Variants in TXNL4A observed in about 807,000 individuals in gnomAD.
TXNL4A encodes the protein thioredoxin like 4A.
TXNL4A carries 17 observed loss-of-function variants against 14.6 expected under a neutral mutation model. The ratio of observed to expected loss-of-function variants is 1.16; its 90% CI spans 0.80 to 1.74. The LOEUF is 1.74. Ranked by LOEUF, TXNL4A falls within the 40% of genes most tolerant of loss-of-function variation. TXNL4A has a pLI of 0.00. For missense variants in TXNL4A, 74 were observed against 195.2 expected, an observed-to-expected ratio of 0.38 and a Z score of 3.70; for synonymous variants, 83 against 70.6, an observed-to-expected ratio of 1.18 and a Z score of -0.88.
intron 1 of TXNL4A, 145 bp downstream of exon 1, chr18:79,988,095 G>T (rs1393769358): frequency 6.8e-6 from 7 of 1,028,408 alleles, no homozygotes; most frequent in Non-Finnish European, 9.0e-6. Context: ...GCGCTCGACC[G>T]CAGCGAGGGG....
At chr18:79,988,064 A>C (rs940784646) in intron 1 of TXNL4A, among the ~76,000 whole-genome samples, 176 bp downstream of exon 1, 5 of 152,268 alleles carry the variant, frequency 3.3e-5, no homozygotes, top group Admixed American at 3.3e-4. Context: ...AAGGCGTGAA[A>C]CGCCGGCACA....
At chr18:79,994,448 A>G (rs1435789325) in intron 1 of TXNL4A, among the ~76,000 whole-genome samples, 1 of 151,898 alleles carries the variant, frequency 6.6e-6, no homozygotes, top group Non-Finnish European at 1.5e-5. Context: ...TCCCAGGGGA[A>G]AGATCACCTC....
In TXNL4A at chr18:79,973,490, T is replaced by C. The variant is rs565164941; in HGVS notation, c.*195A>G. On this transcript the variant is annotated 3_prime_UTR_variant, in exon 3 of 3. Transcript: ENST00000269601. ...TCAGTAATCTATTCATTAAGTTTCC[T>C]GAGAACAAACAAGTAGGCCTGCTCC... is the stretch of plus-strand genomic sequence containing the variant. 67 of 560,400 alleles carry C rather than the reference T, an allele frequency of 1.2e-4. No individual in the cohort carries two copies. The African/African-American group carries it at 1.2e-3, about 10-fold the overall frequency. The allele number at this position is 560,400 out of a possible 1,614,324, so 34.7% of individuals were successfully genotyped here. A position where few individuals can be genotyped will look rare whatever the true frequency, so the allele number is the denominator to read the frequency against.
chr18:80,023,310 T>C (rs999673035), intron 1 of TXNL4A, among the ~76,000 whole-genome samples: 7 of 152,224 alleles, frequency 4.6e-5, no homozygotes, highest in Non-Finnish European at 7.4e-5. Flanking sequence ...TGATCACTGA[T>C]AGAGGGACAT....
intron 1 of TXNL4A, among the ~76,000 whole-genome samples, chr18:80,032,931 ATT>A (rs1488386861): frequency 3.4e-5 from 4 of 116,568 alleles, no homozygotes; most frequent in African/African-American, 1.2e-4. Context: ...CCCCTACCAC[ATT>A]TTGTCTGCGT....
At chr18:80,019,440 C>T (rs1291182140) in intron 1 of TXNL4A, among the ~76,000 whole-genome samples, 1 of 152,166 alleles carries the variant, frequency 6.6e-6, no homozygotes, top group Admixed American at 6.5e-5. Flanking sequence ...AGTACCTCCC[C>T]CTGGGTCCCT....
chr18:80,023,349 G>A (rs1324238377), intron 1 of TXNL4A, among the ~76,000 whole-genome samples: 4 of 152,186 alleles, frequency 2.6e-5, no homozygotes, highest in Non-Finnish European at 5.9e-5. Context: ...GAAACTAGAA[G>A]TTTGGGGAAG....
intron 2 of TXNL4A, among the ~76,000 whole-genome samples, chr18:79,974,176 G>C (rs1281867579): frequency 6.6e-6 from 1 of 152,194 alleles, no homozygotes; most frequent in African/African-American, 2.4e-5. Context: ...TCTATGGGAG[G>C]CTGAGGCAGG....
In TXNL4A at chr18:79,988,528, C is replaced by T. The variant is rs1280325790; in HGVS notation, c.-136G>A. On this transcript the variant is annotated 5_prime_UTR_variant, in exon 1 of 3. Transcript: ENST00000269601. Reference sequence around the variant, plus strand: ...CGAAATCCGGTCCCGCCCGCACACGCAAACTCCGCTGGGACTGCCACCCGG... The same window carrying T: ...CGAAATCCGGTCCCGCCCGCACACGTAAACTCCGCTGGGACTGCCACCCGG... 2.1e-6 allele frequency: 2 copies of T among 945,376 alleles called. No homozygotes were observed. The highest frequency in any genetic ancestry group is 2.8e-6 in the Non-Finnish European group (2 of 724,158). 58.6% of individuals were successfully genotyped at this position (945,376 alleles called of 1,614,324 possible). A position where few individuals can be genotyped will look rare whatever the true frequency, so the allele number is the denominator to read the frequency against.
At chr18:79,983,882 C>T (rs1011642226) in intron 1 of TXNL4A, among the ~76,000 whole-genome samples, 4 of 152,182 alleles carry the variant, frequency 2.6e-5, no homozygotes, top group Non-Finnish European at 5.9e-5. Flanking sequence ...GGGCCAAGTT[C>T]GTAACGCTCA....
rs117374044 is a variant in TXNL4A, at chr18:79,996,379, A to G, written c.-60-18678T>C. Among the ~76,000 whole-genome samples, 1,441 of 152,292 alleles carry G rather than the reference A, an allele frequency of 9.5e-3. 10 individuals carry two copies. Among genetic ancestry groups the G allele is most frequent in the Non-Finnish European group, 0.016 (1,068 of 68,026 alleles). ...AGAAACCCCATACGTGAGAGTAATGAAAGAATTAACATGGTGGCTGTGTCT... is the reference window on the plus strand; with the variant it reads ...AGAAACCCCATACGTGAGAGTAATGGAAGAATTAACATGGTGGCTGTGTCT... On this transcript the variant is annotated intron_variant, in intron 1 of 2. Coordinates refer to the TXNL4A transcript ENST00000585474.
chr18:80,017,252 G>T (rs1285739291), intron 1 of TXNL4A, among the ~76,000 whole-genome samples: 1 of 152,176 alleles, frequency 6.6e-6, no homozygotes, highest in East Asian at 1.9e-4. Context: ...TCAGCTTAAG[G>T]AGATTTTGGG....
intron 1 of TXNL4A, among the ~76,000 whole-genome samples, chr18:80,022,242 G>T (rs1419088360): frequency 6.6e-6 from 1 of 152,184 alleles, no homozygotes; most frequent in African/African-American, 2.4e-5. Flanking sequence ...TACCAGAGGA[G>T]CTAATGATCT....
intron 1 of TXNL4A, among the ~76,000 whole-genome samples, chr18:80,006,559 A>C (rs2051732536): frequency 6.6e-6 from 1 of 152,144 alleles, no homozygotes; most frequent in African/African-American, 2.4e-5. Flanking sequence ...ATGTTTAGAA[A>C]TTTTATTTAC....
chr18:79,991,220 T>A (rs1948522371), upstream of TXNL4A, among the ~76,000 whole-genome samples: 1 of 152,088 alleles, frequency 6.6e-6, no homozygotes, highest in African/African-American at 2.4e-5. Context: ...CACAATCTAA[T>A]TTTAGGAGAA....
upstream of TXNL4A, among the ~76,000 whole-genome samples, chr18:79,990,827 G>C (rs1445822192): frequency 6.6e-6 from 1 of 151,170 alleles, no homozygotes; most frequent in Non-Finnish European, 1.5e-5. Flanking sequence ...ACTTTTGGCC[G>C]GGCGCGGTGG....
chr18:79,980,814 G>C (rs566353991), intron 1 of TXNL4A, among the ~76,000 whole-genome samples: 35 of 152,280 alleles, frequency 2.3e-4, no homozygotes, highest in African/African-American at 8.4e-4. Context: ...AAACCCCAAA[G>C]TGAGCACACG....
At chr18:80,019,985 T>C (rs1422418823) in intron 1 of TXNL4A, among the ~76,000 whole-genome samples, 1 of 152,166 alleles carries the variant, frequency 6.6e-6, no homozygotes, top group Non-Finnish European at 1.5e-5. Flanking sequence ...AAATCTCATC[T>C]TGAATTGTAA....
intron 1 of TXNL4A, among the ~76,000 whole-genome samples, chr18:80,017,627 G>A (rs1242254174): frequency 2.4e-4 from 37 of 152,120 alleles, no homozygotes; most frequent in Admixed American, 1.6e-3. Flanking sequence ...TAATCATGTG[G>A]TTTTTGTCTT....
Sources: allele counts gnomAD v4.1 joint callset (sites outside exome capture counted in the v4.1 genomes callset), GRCh38; gene constraint gnomAD v4.1.1; transcripts MANE v1.5; gene names NCBI Gene and HGNC (gene_info 2026-07-23, HGNC 2026-07-21).